ZBTB1: variants seen among roughly 807,000 people sequenced by gnomAD.
ZBTB1 encodes the protein zinc finger and BTB domain-containing protein 1.
Under a neutral mutation model 51.6 loss-of-function variants are expected in ZBTB1, and 13 were observed. That is an observed-to-expected ratio of 0.25 (90% CI 0.16 to 0.40). The LOEUF is 0.40. Ranked by LOEUF, ZBTB1 falls within the 10% of genes least tolerant of loss-of-function variation. ZBTB1 has a pLI of 1.00. For synonymous variants in ZBTB1, 240 were observed against 282.2 expected (o/e 0.85, Z 1.50); for missense variants, 567 against 856.5 (o/e 0.66, Z 4.22).
chr14:64,523,500 G>C lies in ZBTB1; in HGVS notation c.1996G>C (p.Val666Leu), dbSNP rs1387954698. ...HLSAGETICQ[V>L]CFQIFPNNEQ... Reference sequence around the variant, plus strand: ...ATCTGCTGGTGAGACTATATGCCAGGTCTGCTTTCAGATATTCCCAAATAA... The same window carrying C: ...ATCTGCTGGTGAGACTATATGCCAGCTCTGCTTTCAGATATTCCCAAATAA... Residue 666 changes from valine (V) to leucine (L), a missense_variant, in exon 2 of 2, where the codon GTC (valine) becomes CTC (leucine). Val to Leu is a conservative substitution (Grantham distance 32). Coordinates refer to ENST00000683701, the MANE Select transcript of ZBTB1 (RefSeq NM_001123329.2). This position sits in a 1 kb window ranked among gnomAD's most constrained non-coding sequence, Gnocchi z 4.5. 1 of 1,609,394 alleles carries C rather than the reference G, an allele frequency of 6.2e-7. No homozygotes were observed. Among genetic ancestry groups the C allele is most frequent in the African/African-American group, 1.3e-5 (1 of 74,710 alleles).
intron 1 of ZBTB1, among the ~76,000 whole-genome samples, chr14:64,506,680 C>T (rs2079662744): frequency 6.6e-6 from 1 of 152,234 alleles, no homozygotes; most frequent in South Asian, 2.1e-4. Context: ...CAGGCTTTCT[C>T]CATTAATACC....
Position 64,522,646 on chromosome 14 carries a change from A to G in ZBTB1, c.1142A>G (p.Lys381Arg). ...RYYVEEDVSI[K>R]KSGRKTLKPR... Reference sequence around the variant, plus strand: ...TATGTTGAAGAAGATGTCAGCATAAAAAAAAGTGGTAGGAAAACTCTAAAA... The same window carrying G: ...TATGTTGAAGAAGATGTCAGCATAAGAAAAAGTGGTAGGAAAACTCTAAAA... Residue 381 changes from lysine (K) to arginine (R), a missense_variant, in exon 2 of 2, where the codon AAA becomes AGA. Physicochemically the swap from Lys to Arg is conservative, Grantham distance 26. Coordinates refer to ENST00000683701, the MANE Select transcript of ZBTB1 (RefSeq NM_001123329.2). 1 of 1,614,194 alleles carries G rather than the reference A, an allele frequency of 6.2e-7. No homozygotes were observed.
intron 1 of ZBTB1, among the ~76,000 whole-genome samples, chr14:64,513,798 T>C (rs11844318): frequency 0.025 from 3,785 of 152,252 alleles, 53 homozygotes; most frequent in Middle Eastern, 0.054. Context: ...GTAGCTGGGA[T>C]TACAGGCATC....
At chr14:64,530,521 C>T (rs2079934916) in intron 2 of ZBTB1, among the ~76,000 whole-genome samples, 1 of 151,760 alleles carries the variant, frequency 6.6e-6, no homozygotes, top group Non-Finnish European at 1.5e-5. Context: ...GCGGGAGAAC[C>T]GCTTGAACCT....
intron 1 of ZBTB1, among the ~76,000 whole-genome samples, chr14:64,519,543 C>T (rs2079836985): frequency 1.3e-5 from 2 of 150,310 alleles, no homozygotes; most frequent in Non-Finnish European, 3.0e-5. Flanking sequence ...GCAGGAGGAT[C>T]GCTTGAACTC....
At chr14:64,513,109 TACAC>T (rs375551175) in intron 1 of ZBTB1, among the ~76,000 whole-genome samples, 185 of 152,268 alleles carry the variant, frequency 1.2e-3, no homozygotes, top group African/African-American at 4.3e-3. Context: ...TATGCATACA[TACAC>T]ATAAAATGAT....
intron 1 of ZBTB1, among the ~76,000 whole-genome samples, chr14:64,520,862 CTT>C (rs146222409): frequency 1.4e-5 from 2 of 141,962 alleles, no homozygotes; most frequent in Admixed American, 7.1e-5. Flanking sequence ...GAGTTGTTTT[CTT>C]TTTTTTTTTT....
chr14:64,517,552 A>T (rs938658559), intron 1 of ZBTB1, among the ~76,000 whole-genome samples: 3 of 151,910 alleles, frequency 2.0e-5, no homozygotes, highest in Non-Finnish European at 4.4e-5. Flanking sequence ...AAAAATGACT[A>T]TAGACATAGA....
intron 1 of ZBTB1, among the ~76,000 whole-genome samples, chr14:64,517,781 A>ATTTTTTTTTTTTTT (rs10590459): frequency 2.4e-5 from 1 of 41,550 alleles, no homozygotes. Flanking sequence ...ATATATATAT[A>ATTTTTTTTTTTTTT]TTTTTTTTTT....
intron 2 of ZBTB1, among the ~76,000 whole-genome samples, chr14:64,531,483 A>G (rs950881343): frequency 5.3e-5 from 8 of 152,192 alleles, no homozygotes; most frequent in African/African-American, 1.7e-4. Context: ...TTTATGTTTC[A>G]ATCAGAGATT....
chr14:64,525,427 G>C (rs2079896718), downstream of ZBTB1, among the ~76,000 whole-genome samples: 1 of 152,144 alleles, frequency 6.6e-6, no homozygotes, highest in African/African-American at 2.4e-5. Flanking sequence ...AATGAAATGT[G>C]GTATGTATAT....
chr14:64,507,071 G>GC (rs1396760057), intron 1 of ZBTB1, among the ~76,000 whole-genome samples: 9 of 152,122 alleles, frequency 5.9e-5, no homozygotes, highest in Non-Finnish European at 1.0e-4. Context: ...TTTCAGACTT[G>GC]CCCTCTAGCC....
At chr14:64,517,091 A>C (rs530298810) in intron 1 of ZBTB1, among the ~76,000 whole-genome samples, 26 of 152,312 alleles carry the variant, frequency 1.7e-4, no homozygotes, top group African/African-American at 5.1e-4. Flanking sequence ...AGGAAATTTT[A>C]AGGTTATCAA....
chr14:64,522,244 C>G lies in ZBTB1; in HGVS notation c.740C>G (p.Thr247Arg). The change falls in exon 2 of 2, where the codon ACA (threonine) becomes AGA (arginine). Residue 247 changes from threonine (T) to arginine (R), a missense_variant. Physicochemically the swap from Thr to Arg is moderately conservative, Grantham distance 71. This residue lies in a region of ZBTB1 where 329 missense variants were observed against 406.3 expected (regional missense o/e 0.81). Coordinates refer to ENST00000683701, the MANE Select transcript of ZBTB1 (RefSeq NM_001123329.2). Reference protein sequence around the residue: ...TCTNRHLYQNTRSYHRIVDIR... With the variant: ...TCTNRHLYQNRRSYHRIVDIR... ...ACTAACAGACATTTATACCAAAACA[C>G]AAGATCTTACCATAGAATAGTAGAT... is the stretch of plus-strand genomic sequence containing the variant. 6.2e-7 allele frequency: 1 copy of G among 1,614,188 alleles called. No homozygotes were observed. Among genetic ancestry groups the G allele is most frequent in the Admixed American group, 1.7e-5 (1 of 60,020 alleles).
At position 64,522,653 on chromosome 14, in the gene ZBTB1, T is replaced by G; in HGVS notation, c.1149T>G (p.Ser383Arg). Reference sequence around the variant, plus strand: ...AAGAAGATGTCAGCATAAAAAAAAGTGGTAGGAAAACTCTAAAACCTCGAA... The same window carrying G: ...AAGAAGATGTCAGCATAAAAAAAAGGGGTAGGAAAACTCTAAAACCTCGAA... ...YVEEDVSIKK[S>R]GRKTLKPRMS... The change falls in exon 2 of 2, where the codon AGT becomes AGG. Residue 383 changes from serine (S) to arginine (R), a missense_variant. By Grantham distance (110) the Ser-to-Arg change is moderately radical. Around this residue, in one of 5 missense-constraint regions of ZBTB1, gnomAD observed 329 missense variants for 406.3 expected, o/e 0.81. Transcript: ENST00000683701. 2 of 1,613,900 alleles carry G rather than the reference T, an allele frequency of 1.2e-6. No individual in the cohort carries two copies. The highest frequency in any genetic ancestry group is 1.7e-6 in the Non-Finnish European group (2 of 1,179,956).
rs150137755 is a variant in ZBTB1 at position 64,512,353 on chromosome 14, G to A, written c.-19+7407G>A. Among the ~76,000 whole-genome samples, 630 of 152,296 alleles carry A rather than the reference G, an allele frequency of 4.1e-3. 5 individuals carry two copies. Among genetic ancestry groups the A allele is most frequent in the African/African-American group, 0.015 (608 of 41,548 alleles). On this transcript the variant is annotated intron_variant, in intron 1 of 1. Transcript: ENST00000683701. The stretch of plus-strand genomic sequence containing the variant: ...TAAGTGTCAACTATGTGGGAAGAGT[G>A]TGCTAGGCACAAGGAAAACAAAGGC...
rs576257403 is a variant in ZBTB1, at chr14:64,523,162, T to C, written c.1658T>C (p.Met553Thr). Residue 553 changes from methionine to threonine, a missense_variant, in exon 2 of 2, where the codon ATG (methionine) becomes ACG (threonine). Coordinates refer to ENST00000683701, the MANE Select transcript of ZBTB1 (RefSeq NM_001123329.2). The surrounding 1 kb of genome is among the most constrained non-coding windows in gnomAD (Gnocchi z 4.5). The stretch of plus-strand genomic sequence containing the variant: ...ACTGAAAATCTAGTGGTTGAACATA[T>C]GTCTAGCTGCTTAGATCAAGATATG... ...FETENLVVEH[M>T]SSCLDQDMFK... The C allele has an allele frequency of 6.2e-6, 10 of 1,614,090 alleles. No individual in the cohort carries two copies. Among genetic ancestry groups the C allele is most frequent in the Admixed American group, 1.7e-5 (1 of 60,008 alleles).
intron 1 of ZBTB1, chr14:64,518,213 T>C (rs1240890382): frequency 3.9e-5 from 6 of 152,178 alleles, no homozygotes; most frequent in Non-Finnish European, 2.9e-5. Flanking sequence ...CTCCTTTTTT[T>C]ACTAGGCATT....
At chr14:64,508,690 G>A (rs1360169224) in intron 1 of ZBTB1, among the ~76,000 whole-genome samples, 2 of 152,164 alleles carry the variant, frequency 1.3e-5, no homozygotes, top group Non-Finnish European at 2.9e-5. Flanking sequence ...TCTCAGGGTG[G>A]TTGTGAGATC....
Sources: gnomAD v4.1 joint callset for allele counts (sites outside exome capture counted in the v4.1 genomes callset) on GRCh38, gnomAD v4.1.1 for gene constraint, gnomAD v4.1.1 regional missense constraint, Gnocchi (gnomAD v3.1) non-coding constraint, MANE v1.5 for transcripts, NCBI Gene and HGNC (gene_info 2026-07-23, HGNC 2026-07-21) for gene names.